The following RFPL4A variants were observed in gnomAD, a reference collection of about 807,000 sequenced individuals.
The protein encoded by RFPL4A is ret finger protein like 4A.
In RFPL4A, 4 loss-of-function variants were observed where a neutral mutation model predicts 8.3. The ratio of observed to expected loss-of-function variants is 0.48; its 90% CI spans 0.24 to 1.10. The LOEUF is 1.10. Among genes scored for constraint, RFPL4A ranks in the 50% least tolerant of loss-of-function variants. RFPL4A has a pLI of 0.18. For missense variants in RFPL4A, 111 were observed against 358.7 expected (o/e 0.31, Z 5.58); for synonymous variants, 43 against 136.6 (o/e 0.31, Z 4.78).
upstream of RFPL4A, among the ~76,000 whole-genome samples, chr19:55,758,648 T>C (rs1378172167): frequency 2.6e-5 from 4 of 151,546 alleles, no homozygotes; most frequent in Non-Finnish European, 4.4e-5. Flanking sequence ...CTTTACATTA[T>C]AGAGAAAATG....
intron 1 of RFPL4A, among the ~76,000 whole-genome samples, chr19:55,760,413 G>T (rs2122390380): frequency 6.6e-6 from 1 of 151,704 alleles, no homozygotes; most frequent in Admixed American, 6.6e-5. Context: ...CAGAGCAAAA[G>T]CACACTGTTA....
rs150718898 is a variant in RFPL4A, at chr19:55,761,345, A to G, written c.-9-447A>G. Among the ~76,000 whole-genome samples, 9 of 137,764 alleles carry G rather than the reference A, an allele frequency of 6.5e-5. No individual in the cohort carries two copies. The East Asian group carries it at 1.6e-3, about 25-fold the overall frequency. 90.4% of individuals were successfully genotyped at this position (137,764 alleles called of 152,430 possible). ...CAAGCCTAATGAATTTTAACTCAAA[A>G]TATAATATCGTTTAACATGTGAGCA... On this transcript the variant is annotated intron_variant, in intron 1 of 2. Transcript: ENST00000434937.
upstream of RFPL4A, among the ~76,000 whole-genome samples, chr19:55,758,102 C>T (rs1989207538): frequency 6.6e-6 from 1 of 151,518 alleles, no homozygotes; most frequent in African/African-American, 2.4e-5. Flanking sequence ...TGTGTGTATA[C>T]ATGGACATAC....
upstream of RFPL4A, among the ~76,000 whole-genome samples, chr19:55,758,598 A>T (rs1989220170): frequency 6.6e-6 from 1 of 151,420 alleles, no homozygotes; most frequent in African/African-American, 2.5e-5. Flanking sequence ...TTGTCTGGAA[A>T]CCGTTTTGGG....
intron 1 of RFPL4A, among the ~76,000 whole-genome samples, chr19:55,761,157 G>A (rs935062629): frequency 1.8e-5 from 2 of 113,066 alleles, no homozygotes; most frequent in Admixed American, 9.2e-5. Context: ...TTTGTGTCTT[G>A]TCCTTTTGTT....
chr19:55,762,894 A>G lies in RFPL4A; in HGVS notation c.583A>G (p.Lys195Glu). ...CTTGACTGTGGGTTGCAGAGAAGGA[A>G]AGGTCTTTGCTGCCAGCACTGTGCC... ...GFLTVGCREG[K>E]VFAASTVPMT... Residue 195 changes from lysine to glutamate, a missense_variant, in exon 3 of 3, where the codon AAG becomes GAG. Transcript: ENST00000434937. The G allele has an allele frequency of 6.5e-7, 1 of 1,545,946 alleles. No individual in the cohort carries two copies. The highest frequency in any genetic ancestry group is 8.7e-7 in the Non-Finnish European group (1 of 1,143,968).
In RFPL4A at chr19:55,762,874, CTG is replaced by C; in HGVS notation, c.566_567del (p.Val189GlyfsTer44). The C allele has an allele frequency of 6.5e-7, 1 of 1,528,602 alleles. No homozygotes were observed. Among genetic ancestry groups the C allele is most frequent in the Non-Finnish European group, 8.9e-7 (1 of 1,129,906 alleles). 94.7% of individuals were successfully genotyped at this position (1,528,602 alleles called of 1,614,324 possible). The stretch of plus-strand genomic sequence containing the variant: ...CTTTCTTCAGAACACGGCTTCTTGA[CTG>C]TGGGTTGCAGAGAAGGAAAGGTCTT... On this transcript the variant is annotated frameshift_variant, in exon 3 of 3. Transcript: ENST00000434937. LOFTEE classifies it low-confidence loss of function (END_TRUNC).
At chr19:55,761,699 G>C (rs1310301603) in intron 1 of RFPL4A, 93 bp from the exon 2 acceptor site, 1 of 1,471,296 alleles carries the variant, frequency 6.8e-7, no homozygotes, top group Non-Finnish European at 9.2e-7. Flanking sequence ...TGCTATGATA[G>C]CTCCATGCAT....
At chr19:55,759,977 G>A (rs1352475499) in intron 1 of RFPL4A, among the ~76,000 whole-genome samples, 2 of 151,626 alleles carry the variant, frequency 1.3e-5, no homozygotes, top group African/African-American at 4.9e-5. Context: ...TGTTTCCATG[G>A]CTCTTGTGAA....
chr19:55,758,736 T>G (rs1437025153), upstream of RFPL4A, among the ~76,000 whole-genome samples: 1 of 151,422 alleles, frequency 6.6e-6, no homozygotes, highest in Admixed American at 6.6e-5. Context: ...CCTCTTTTAT[T>G]GAAATGTGAA....
chr19:55,759,959 T>G (rs144182181), intron 1 of RFPL4A, among the ~76,000 whole-genome samples: 4 of 151,858 alleles, frequency 2.6e-5, no homozygotes, highest in Admixed American at 6.5e-5. Context: ...TCTCATAGAC[T>G]CTGGGGTTGT....
chr19:55,758,784 C>T (rs199713811), upstream of RFPL4A, among the ~76,000 whole-genome samples: 29,975 of 136,594 alleles, frequency 0.22, 807 homozygotes, highest in African/African-American at 0.44. Context: ...CTTTGAAAGT[C>T]GCACCGTTCA....
intron 1 of RFPL4A, among the ~76,000 whole-genome samples, 167 bp from the exon 2 acceptor site, chr19:55,761,625 C>T (rs919588280): frequency 6.7e-6 from 1 of 148,510 alleles, no homozygotes; most frequent in African/African-American, 2.6e-5. Flanking sequence ...TTCAGGGCCT[C>T]GAGTCATTGA....
chr19:55,758,744 G>A (rs1404550615), upstream of RFPL4A, among the ~76,000 whole-genome samples: 1 of 151,334 alleles, frequency 6.6e-6, no homozygotes, highest in African/African-American at 2.4e-5. Context: ...ATTGAAATGT[G>A]AAAAGGTGTG....
At chr19:55,760,873 G>C (rs1989267164) in intron 1 of RFPL4A, among the ~76,000 whole-genome samples, 1 of 151,448 alleles carries the variant, frequency 6.6e-6, no homozygotes, top group Non-Finnish European at 1.5e-5. Flanking sequence ...CTGATGGTGA[G>C]TGAGGTTGAG....
At chr19:55,761,401 G>A (rs368446023) in intron 1 of RFPL4A, among the ~76,000 whole-genome samples, 1 of 137,134 alleles carries the variant, frequency 7.3e-6, no homozygotes, top group African/African-American at 2.7e-5. Flanking sequence ...GATAGTTTAC[G>A]TTCTCTTTTC....
upstream of RFPL4A, among the ~76,000 whole-genome samples, chr19:55,758,600 C>T (rs1157941819): frequency 1.3e-5 from 2 of 151,440 alleles, no homozygotes; most frequent in Non-Finnish European, 2.9e-5. Context: ...GTCTGGAAAC[C>T]GTTTTGGGAT....
At chr19:55,759,340 G>A (rs2868054) in intron 1 of RFPL4A, among the ~76,000 whole-genome samples, 165 bp downstream of exon 1, 2 of 152,060 alleles carry the variant, frequency 1.3e-5, no homozygotes, top group Non-Finnish European at 2.9e-5. Context: ...AGTTAGGTAA[G>A]TCTTAGATTT....
intron 1 of RFPL4A, among the ~76,000 whole-genome samples, chr19:55,761,078 G>C (rs2616955): frequency 0.31 from 33,581 of 109,810 alleles, 10,917 homozygotes; most frequent in African/African-American, 0.69. Flanking sequence ...ATTAGTTCTG[G>C]TTTTTCCTTT....
Sources: allele counts gnomAD v4.1 joint callset (sites outside exome capture counted in the v4.1 genomes callset), GRCh38; gene constraint gnomAD v4.1.1; transcripts MANE v1.5; gene names NCBI Gene and HGNC (gene_info 2026-07-23, HGNC 2026-07-21).